A1CF: variants seen among roughly 807,000 people sequenced by gnomAD.
The protein encoded by A1CF is APOBEC1 complementation factor.
A1CF carries 48 observed loss-of-function variants against 68.9 expected under a neutral mutation model. That is an observed-to-expected ratio of 0.70 (90% CI 0.55 to 0.89). The LOEUF is 0.89. Among genes scored for constraint, A1CF ranks in the 40% least tolerant of loss-of-function variants. A1CF has a pLI of 0.00. For missense variants in A1CF, 653 were observed against 718.9 expected (o/e 0.91, Z 1.05); for synonymous variants, 272 against 260.4 (o/e 1.04, Z -0.43).
chr10:50,799,597 T>C lies in A1CF; in HGVS notation c.*7132A>G, dbSNP rs1837519198. The C allele has an allele frequency of 6.6e-6, 1 of 152,158 alleles. No homozygotes were observed. The highest frequency in any genetic ancestry group is 1.9e-4 in the East Asian group (1 of 5,202). The allele number at this position is 152,158 out of a possible 1,614,324, so 9.4% of individuals were successfully genotyped here. A position where few individuals can be genotyped will look rare whatever the true frequency, so the allele number is the denominator to read the frequency against. ...AAGTGAATGGTGTAATTTTACTTAA[T>C]ATATTTAGATAGATCACAAAGTTCT... On this transcript the variant is annotated 3_prime_UTR_variant, in exon 13 of 13. Transcript: ENST00000373997.
intron 1 of A1CF, among the ~76,000 whole-genome samples, chr10:50,875,667 TG>T (rs1841477614): frequency 6.6e-6 from 1 of 152,210 alleles, no homozygotes; most frequent in Admixed American, 6.5e-5. Flanking sequence ...TATCCTTACC[TG>T]TTGCCCTCTC....
intron 1 of A1CF, among the ~76,000 whole-genome samples, chr10:50,870,008 CTTGT>C (rs1841173936): frequency 6.6e-6 from 1 of 151,534 alleles, no homozygotes; most frequent in South Asian, 2.1e-4. Flanking sequence ...AGTTTCTATT[CTTGT>C]TTTTCTTTTT....
intron 8 of A1CF, among the ~76,000 whole-genome samples, chr10:50,819,872 A>G (rs932262279): frequency 6.6e-6 from 1 of 152,268 alleles, no homozygotes; most frequent in South Asian, 2.1e-4. Flanking sequence ...CACCACGTTT[A>G]TCTCTCTTTA....
rs1837566462 is a variant in A1CF at position 50,800,755 on chromosome 10, C to G, written c.*5974G>C. The G allele has an allele frequency of 6.6e-6, 1 of 151,958 alleles. No individual in the cohort carries two copies. Among genetic ancestry groups the G allele is most frequent in the Non-Finnish European group, 1.5e-5 (1 of 67,986 alleles). The allele number at this position is 151,958 out of a possible 1,614,324, so 9.4% of individuals were successfully genotyped here. A position where few individuals can be genotyped will look rare whatever the true frequency, so the allele number is the denominator to read the frequency against. ...TTTATGAAAAAGGAAAATAATCTCT[C>G]AATGTTATTTTCCATTAAAAATAAT... is the stretch of plus-strand genomic sequence containing the variant. On this transcript the variant is annotated 3_prime_UTR_variant, in exon 13 of 13. Coordinates refer to ENST00000373997, the MANE Select transcript of A1CF (RefSeq NM_014576.4).
At chr10:50,875,694 A>G (rs1308600964) in intron 1 of A1CF, among the ~76,000 whole-genome samples, 1 of 152,106 alleles carries the variant, frequency 6.6e-6, no homozygotes, top group Admixed American at 6.6e-5. Flanking sequence ...TCCTAGCTCT[A>G]TTTCCCACCC....
At chr10:50,848,147 C>A (rs1196557781) in intron 3 of A1CF, among the ~76,000 whole-genome samples, 2 of 152,066 alleles carry the variant, frequency 1.3e-5, no homozygotes, top group Non-Finnish European at 2.9e-5. Context: ...GGCAAGGAAT[C>A]CAAGGCATAA....
intron 1 of A1CF, among the ~76,000 whole-genome samples, chr10:50,872,946 CTTTTTTTTTTTTTTTT>C (rs34770362): frequency 3.0e-5 from 2 of 67,306 alleles, no homozygotes; most frequent in African/African-American, 1.1e-4. Context: ...ATTTAAGTTC[CTTTTTTTTTTTTTTTT>C]TTTTTTTTTT....
At chr10:50,828,095 A>G (rs1383767394) in intron 7 of A1CF, 36 bp downstream of exon 7, 3 of 1,470,310 alleles carry the variant, frequency 2.0e-6, no homozygotes, top group Non-Finnish European at 2.8e-6. Flanking sequence ...AGGACAAAGA[A>G]TGTTTTGAAA....
Position 50,841,933 on chromosome 10 carries a change from A to G in A1CF, c.294T>C (p.Tyr98=), listed in dbSNP as rs754981598. Residue 98 remains tyrosine (Y), a synonymous_variant, in exon 5 of 13, where the codon TAT becomes TAC. Transcript: ENST00000373997. ...MMDFNGNNRG[Y]AFVTFSNKVE... Reference sequence around the variant, plus strand: ...CTTTATTTGAAAATGTTACAAATGCATATCCTCTATTGTTGCCATTAAAAT... The same window carrying G: ...CTTTATTTGAAAATGTTACAAATGCGTATCCTCTATTGTTGCCATTAAAAT... 5.0e-6 allele frequency: 8 copies of G among 1,612,578 alleles called. No individual in the cohort carries two copies. Among genetic ancestry groups the G allele is most frequent in the East Asian group, 4.5e-5 (2 of 44,798 alleles).
At chr10:50,809,222 C>T (rs1458309061) in intron 12 of A1CF, among the ~76,000 whole-genome samples, 1 of 152,036 alleles carries the variant, frequency 6.6e-6, no homozygotes, top group Non-Finnish European at 1.5e-5. Context: ...CAGCATATGC[C>T]CCAGACCAAA....
intron 2 of A1CF, 70 bp from the exon 3 acceptor site, chr10:50,860,055 G>T: frequency 2.6e-6 from 2 of 756,460 alleles, no homozygotes; most frequent in Non-Finnish European, 4.5e-6. Context: ...TTTCATGAAG[G>T]ACATCTTTAG....
rs750165835 is a variant in A1CF at position 50,809,982 on chromosome 10, G to A, written c.1521C>T (p.Ala507=). Residue 507 remains alanine (A), a synonymous_variant, in exon 12 of 13, where the codon GCC becomes GCT. Transcript: ENST00000373997. ...AFVDEAKTYA[A]EYTLQTLGIP... ...TGCCCAGGGTCTGCAGGGTGTATTCGGCTGCATACGTCTTTGCTTCATCCA... is the reference window on the plus strand; with the variant it reads ...TGCCCAGGGTCTGCAGGGTGTATTCAGCTGCATACGTCTTTGCTTCATCCA... 1.7e-5 allele frequency: 28 copies of A among 1,613,868 alleles called. No homozygotes were observed. Among genetic ancestry groups the A allele is most frequent in the East Asian group, 4.5e-5 (2 of 44,876 alleles).
chr10:50,829,988 TA>T (rs1313767857), intron 6 of A1CF, among the ~76,000 whole-genome samples: 4 of 152,218 alleles, frequency 2.6e-5, no homozygotes, highest in Admixed American at 2.6e-4. Context: ...TGTATACATG[TA>T]AAATGATTAA....
chr10:50,811,095 G>A lies in A1CF; in HGVS notation c.1405C>T (p.Gln469Ter). The change falls in exon 11 of 13, where the codon CAG becomes TAG. Residue 469 changes from glutamine (Q) to a stop codon, truncating the protein, a stop_gained. Coordinates refer to ENST00000373997, the MANE Select transcript of A1CF (RefSeq NM_014576.4). LOFTEE classifies it high-confidence loss of function. The part of the protein sequence containing the change: ...LHSAIGQDQR[Q>*]LFLYKITIPA... ...ATAGTTATTTTGTACAAGAATAGCTGTCTTTGGTCTTGTCCAATAGCAGAG... is the reference window on the plus strand; with the variant it reads ...ATAGTTATTTTGTACAAGAATAGCTATCTTTGGTCTTGTCCAATAGCAGAG... The A allele has an allele frequency of 6.2e-7, 1 of 1,613,636 alleles. No individual in the cohort carries two copies.
At chr10:50,811,202 C>T in intron 10 of A1CF, 26 bp from the exon 11 acceptor site, 2 of 1,583,926 alleles carry the variant, frequency 1.3e-6, no homozygotes, top group Non-Finnish European at 1.7e-6. Flanking sequence ...AAGTTATTTC[C>T]CCCTCAAATG....
chr10:50,853,382 A>G (rs527455492), intron 3 of A1CF, among the ~76,000 whole-genome samples: 93 of 152,264 alleles, frequency 6.1e-4, no homozygotes, highest in African/African-American at 1.9e-3. Context: ...CTTAGCTTCA[A>G]TGTAATTTTT....
intron 5 of A1CF, among the ~76,000 whole-genome samples, chr10:50,837,778 A>G (rs1159025095): frequency 6.6e-6 from 1 of 152,226 alleles, no homozygotes; most frequent in Non-Finnish European, 1.5e-5. Flanking sequence ...AAAGACAGGC[A>G]TTCATACCAT....
intron 1 of A1CF, among the ~76,000 whole-genome samples, chr10:50,867,348 A>G (rs775214997): frequency 1.3e-5 from 2 of 152,048 alleles, no homozygotes; most frequent in Admixed American, 6.6e-5. Context: ...TCAGCCATGA[A>G]AAAGAATGAA....
chr10:50,866,893 G>T (rs1321643205), intron 1 of A1CF, among the ~76,000 whole-genome samples: 1 of 152,102 alleles, frequency 6.6e-6, no homozygotes, highest in African/African-American at 2.4e-5. Context: ...GTTTTTAAAA[G>T]AAAATAGAGA....
Sources: gnomAD v4.1 joint callset for allele counts (sites outside exome capture counted in the v4.1 genomes callset) on GRCh38, gnomAD v4.1.1 for gene constraint, MANE v1.5 for transcripts, NCBI Gene and HGNC (gene_info 2026-07-23, HGNC 2026-07-21) for gene names.